The following FBXL22 variants were observed in gnomAD, a reference collection of about 807,000 sequenced individuals.
The protein encoded by FBXL22 is F-box and leucine-rich protein 22.
FBXL22 carries 13 observed loss-of-function variants against 11.7 expected under a neutral mutation model. That is an observed-to-expected ratio of 1.11 (90% confidence interval 0.73 to 1.77). The LOEUF (loss-of-function observed/expected upper bound fraction) is 1.77. FBXL22 is among the 40% of genes most tolerant of loss of function. FBXL22 has a pLI of 0.00. For synonymous variants in FBXL22, 160 were observed against 144.1 expected (o/e 1.11, Z -0.79); for missense variants, 406 against 320.4 (o/e 1.27, Z -2.04).
downstream of FBXL22, among the ~76,000 whole-genome samples, chr15:63,605,728 C>G (rs544125999): frequency 6.6e-6 from 1 of 152,338 alleles, no homozygotes; most frequent in African/African-American, 2.4e-5. Flanking sequence ...TCCCTCAACT[C>G]CTGCAATGCT....
rs888461984 is a variant in FBXL22, at chr15:63,600,154, T to TA, written c.354-541dup. On this transcript the variant is annotated intron_variant, in intron 1 of 1. Transcript: ENST00000638704. ...GGATGCAGGAACAGCTCTAGTCTAC[T>TA]AAGCTGAACCCGGACTCAATGCTAA... is the stretch of plus-strand genomic sequence containing the variant. 9.1e-6 allele frequency: 9 copies of TA among 985,814 alleles called. No homozygotes were observed. The African/African-American group carries it at 1.6e-4, about 17-fold the overall frequency. The allele number at this position is 985,814 out of a possible 1,614,324, so 61.1% of individuals were successfully genotyped here. A position where few individuals can be genotyped will look rare whatever the true frequency, so the allele number is the denominator to read the frequency against.
chr15:63,600,486 A>G, intron 1 of FBXL22: 6 of 1,224,618 alleles, frequency 4.9e-6, no homozygotes, highest in Non-Finnish European at 6.1e-6. Flanking sequence ...ACCCACGCAG[A>G]TGAAGGTACG....
downstream of FBXL22, chr15:63,601,677 C>T (rs2067375727): frequency 6.2e-7 from 1 of 1,606,542 alleles, no homozygotes; most frequent in East Asian, 2.2e-5. Flanking sequence ...CGGATGCGTT[C>T]CCGCAGTGAC....
downstream of FBXL22, chr15:63,602,003 C>T (rs943515600): frequency 3.6e-5 from 11 of 309,708 alleles, no homozygotes; most frequent in East Asian, 8.1e-4. Context: ...CCCCCGGCAG[C>T]CGCCTGGTCC....
chr15:63,606,471 T>C (rs1232148904), downstream of FBXL22, among the ~76,000 whole-genome samples: 1 of 152,204 alleles, frequency 6.6e-6, no homozygotes, highest in African/African-American at 2.4e-5. Flanking sequence ...CTCTAAGAGC[T>C]GAAAGTAAAC....
At chr15:63,598,003 C>T (rs1221725772) in intron 1 of FBXL22, among the ~76,000 whole-genome samples, 2 of 152,158 alleles carry the variant, frequency 1.3e-5, no homozygotes, top group Non-Finnish European at 2.9e-5. Flanking sequence ...GTGGGGCCTC[C>T]GTACTGGTAG....
At chr15:63,605,524 G>A (rs2067408955), downstream of FBXL22, among the ~76,000 whole-genome samples, 1 of 152,198 alleles carries the variant, frequency 6.6e-6, no homozygotes, top group Non-Finnish European at 1.5e-5. Context: ...TTTGAGCTGG[G>A]CCACAGGTTC....
chr15:63,600,426 G>A, intron 1 of FBXL22: 1 of 1,193,770 alleles, frequency 8.4e-7, no homozygotes, highest in East Asian at 3.5e-5. Context: ...GACTCTGCTG[G>A]GCCGGGGTCG....
chr15:63,608,339 C>A, the FBXL22 span, among the ~76,000 whole-genome samples: 372 of 152,210 alleles, frequency 2.4e-3, 1 homozygote, highest in Non-Finnish European at 3.2e-3. Context: ...CTGAGAGGGG[C>A]GGAGCAGCTG....
chr15:63,599,696 G>A, intron 1 of FBXL22: 1 of 987,188 alleles, frequency 1.0e-6, no homozygotes, highest in African/African-American at 1.7e-5. Context: ...GGAGCTGCGG[G>A]GGAGGCTGGC....
At position 63,600,982 on chromosome 15, in the gene FBXL22, C is replaced by G; in HGVS notation, c.639C>G (p.Asp213Glu). 2.5e-6 allele frequency: 3 copies of G among 1,191,306 alleles called. No individual in the cohort carries two copies. Among genetic ancestry groups the G allele is most frequent in the Non-Finnish European group, 3.1e-6 (3 of 962,442 alleles). The allele number at this position is 1,191,306 out of a possible 1,614,324, so 73.8% of individuals were successfully genotyped here. A position where few individuals can be genotyped will look rare whatever the true frequency, so the allele number is the denominator to read the frequency against. The change falls in exon 2 of 2, where the codon GAC becomes GAG. Residue 213 changes from aspartate (D) to glutamate (E), a missense_variant. Coordinates refer to ENST00000638704, the MANE Select transcript of FBXL22 (RefSeq NM_001367807.1). ...AGCACAGCGCCGCCATGCTGCCCGA[C>G]CAGCCCCCGCGCCCGCGCGCGCCCG... The part of the protein sequence containing the change: ...RAEHSAAMLP[D>E]QPPRPRAPAA...
At position 63,600,247 on chromosome 15, in the gene FBXL22, C is replaced by T. The variant is rs2067345655; in HGVS notation, c.354-450C>T. ...TAGGCCACCTCCAAGGAAACAAATC[C>T]CTCTTCCCACTCACGTCCCGCCGGG... On this transcript the variant is annotated intron_variant, in intron 1 of 1. Coordinates refer to ENST00000638704, the MANE Select transcript of FBXL22 (RefSeq NM_001367807.1). 3 of 990,708 alleles carry T rather than the reference C, an allele frequency of 3.0e-6. No homozygotes were observed. The African/African-American group carries it at 5.2e-5, about 17-fold the overall frequency. 61.4% of individuals were successfully genotyped at this position (990,708 alleles called of 1,614,324 possible). A position where few individuals can be genotyped will look rare whatever the true frequency, so the allele number is the denominator to read the frequency against.
rs2067361063 is a variant in FBXL22 at position 63,600,953 on chromosome 15, G to A, written c.610G>A (p.Ala204Thr). The A allele has an allele frequency of 1.7e-6, 2 of 1,196,198 alleles. No individual in the cohort carries two copies. Among genetic ancestry groups the A allele is most frequent in the Non-Finnish European group, 2.1e-6 (2 of 965,160 alleles). The allele number at this position is 1,196,198 out of a possible 1,614,324, so 74.1% of individuals were successfully genotyped here. A position where few individuals can be genotyped will look rare whatever the true frequency, so the allele number is the denominator to read the frequency against. ...CGCGTGCCCGCGCCTGGCCCTGCGG[G>A]CAGAGCACAGCGCCGCCATGCTGCC... ...RAACPRLALRAEHSAAMLPDQ... is the reference protein window; with the variant it reads ...RAACPRLALRTEHSAAMLPDQ... The change falls in exon 2 of 2, where the codon GCA becomes ACA. Residue 204 changes from alanine to threonine, a missense_variant. Ala to Thr is a moderately conservative substitution (Grantham distance 58, BLOSUM62 0). Transcript: ENST00000638704.
rs1312753575 is a variant in FBXL22 at position 63,597,905 on chromosome 15, C to T, written c.353+160C>T. 6.6e-6 allele frequency among the ~76,000 whole-genome samples: 1 copy of T among 152,206 alleles called. No individual in the cohort carries two copies. The highest frequency in any genetic ancestry group is 1.5e-5 in the Non-Finnish European group (1 of 68,046). On this transcript the variant is annotated intron_variant, in intron 1 of 1. Transcript: ENST00000638704. This position sits in a 1 kb window ranked among gnomAD's most constrained non-coding sequence, Gnocchi z 4.3. ...TCCAGACCGCCCAAAGCAGGGTCCCCAGGAGACAATAAAATCATGAGGGAA... is the reference window on the plus strand; with the variant it reads ...TCCAGACCGCCCAAAGCAGGGTCCCTAGGAGACAATAAAATCATGAGGGAA...
At chr15:63,600,068 T>G in intron 1 of FBXL22, 1 of 985,674 alleles carries the variant, frequency 1.0e-6, no homozygotes, top group South Asian at 4.7e-5. Context: ...TGACTGTACC[T>G]GCTCAGGGCT....
rs371136411 is a variant in FBXL22 at position 63,597,486 on chromosome 15, C to T, written c.94C>T (p.Leu32Phe). The change falls in exon 1 of 2, where the codon CTT becomes TTT. Residue 32 changes from leucine to phenylalanine, a missense_variant. Coordinates refer to ENST00000638704, the MANE Select transcript of FBXL22 (RefSeq NM_001367807.1). The surrounding 1 kb of genome is among the most constrained non-coding windows in gnomAD (Gnocchi z 4.3). ...CCTAGACAAGGACAGCAGGAAGAGC[C>T]TTGCCAGGACCTGCTCCCAGCTCCA... ...SFLDKDSRKSLARTCSQLHDV... is the reference protein window; with the variant it reads ...SFLDKDSRKSFARTCSQLHDV... 1 of 1,614,086 alleles carries T rather than the reference C, an allele frequency of 6.2e-7. No individual in the cohort carries two copies. The highest frequency in any genetic ancestry group is 8.5e-7 in the Non-Finnish European group (1 of 1,180,020).
chr15:63,607,057 CTTTTT>C (rs71131174), downstream of FBXL22, among the ~76,000 whole-genome samples: 8 of 137,824 alleles, frequency 5.8e-5, no homozygotes, highest in Admixed American at 2.2e-4. Context: ...AGCACAGATG[CTTTTT>C]TTTTTTTTTT....
downstream of FBXL22, chr15:63,602,048 AGGCGAGGAGCACTGTGATG>A (rs545768435): frequency 0.016 from 4,004 of 245,770 alleles, 64 homozygotes; most frequent in Admixed American, 0.04. Flanking sequence ...TGGGTGGAAG[AGGCGAGGAGCACTGTGATG>A]GGCGCTGTTC....
intron 1 of FBXL22, 159 bp from the exon 2 acceptor site, chr15:63,600,538 C>G (rs1007683363): frequency 8.1e-6 from 10 of 1,229,210 alleles, no homozygotes; most frequent in Admixed American, 4.2e-5. Context: ...ATGGGCCGGC[C>G]AGAAAGCCGA....
Sources: gnomAD v4.1 joint callset for allele counts (sites outside exome capture counted in the v4.1 genomes callset) on GRCh38, gnomAD v4.1.1 for gene constraint, Gnocchi (gnomAD v3.1) non-coding constraint, MANE v1.5 for transcripts, NCBI Gene and HGNC (gene_info 2026-07-23, HGNC 2026-07-21) for gene names.